LRBA: variants seen among roughly 807,000 people sequenced by gnomAD.
LRBA encodes the protein LPS responsive beige-like anchor protein.
Under a neutral mutation model 330.0 loss-of-function variants are expected in LRBA, and 176 were observed. The ratio of observed to expected loss-of-function variants is 0.53; its 90% CI spans 0.47 to 0.60. The LOEUF (loss-of-function observed/expected upper bound fraction) is 0.60, where lower values mean the gene tolerates loss of function less well. Ranked by LOEUF, LRBA falls within the 20% of genes least tolerant of loss-of-function variation. The pLI is 0.00. For missense variants in LRBA, 3,259 were observed against 3,444.8 expected (o/e 0.95, Z 1.35); for synonymous variants, 1,230 against 1,193.0 (o/e 1.03, Z -0.64).
At chr4:150,493,883 G>C (rs1210116757) in intron 40 of LRBA, among the ~76,000 whole-genome samples, 1 of 152,044 alleles carries the variant, frequency 6.6e-6, no homozygotes, top group African/African-American at 2.4e-5. Context: ...TGGGAGGACT[G>C]CTTGATGCCA....
chr4:150,451,828 T>C (rs1476577719), intron 44 of LRBA, among the ~76,000 whole-genome samples: 1 of 152,070 alleles, frequency 6.6e-6, no homozygotes, highest in East Asian at 1.9e-4. Context: ...ACAACTTAGA[T>C]GAAATAAACA....
chr4:150,525,787 A>G (rs777925736), intron 40 of LRBA, among the ~76,000 whole-genome samples: 7 of 152,200 alleles, frequency 4.6e-5, no homozygotes, highest in African/African-American at 7.2e-5. Context: ...ATGAAATTAT[A>G]TAACTATATT....
chr4:150,437,063 G>T (rs972514672), intron 44 of LRBA, among the ~76,000 whole-genome samples, 199 bp from the exon 45 acceptor site: 1 of 152,054 alleles, frequency 6.6e-6, no homozygotes, highest in Non-Finnish European at 1.5e-5. Flanking sequence ...ATAAGTAAGT[G>T]AATGGATGAA....
chr4:150,904,989 C>G (rs568431561), intron 13 of LRBA, among the ~76,000 whole-genome samples: 1 of 152,002 alleles, frequency 6.6e-6, no homozygotes, highest in East Asian at 1.9e-4. Context: ...TGAAATAACA[C>G]GACTTCTAAC....
chr4:150,398,087 A>G (rs1385878283), intron 47 of LRBA, among the ~76,000 whole-genome samples: 1 of 152,168 alleles, frequency 6.6e-6, no homozygotes, highest in Non-Finnish European at 1.5e-5. Flanking sequence ...GAAGAAAATA[A>G]GGGATCATGA....
At chr4:150,707,352 A>G (rs1785728740) in intron 36 of LRBA, among the ~76,000 whole-genome samples, 1 of 151,764 alleles carries the variant, frequency 6.6e-6, no homozygotes, top group Non-Finnish European at 1.5e-5. Flanking sequence ...AAAAGTTAAA[A>G]CTACAAAGAA....
At position 150,849,574 on chromosome 4, in the gene LRBA, G is replaced by A; in HGVS notation, c.4006C>T (p.His1336Tyr). 1 of 1,609,286 alleles carries A rather than the reference G, an allele frequency of 6.2e-7. No homozygotes were observed. Among genetic ancestry groups the A allele is most frequent in the Non-Finnish European group, 8.5e-7 (1 of 1,176,488 alleles). Residue 1336 changes from histidine (H) to tyrosine (Y), a missense_variant and splice_region_variant, in exon 25 of 57, where the codon CAT becomes TAT. His to Tyr is a moderately conservative substitution (Grantham distance 83, BLOSUM62 2). Coordinates refer to ENST00000651943, the MANE Select transcript of LRBA (RefSeq NM_001364905.1). ...AAGTCCATAACTGTCTTTGTTGAAT[G>A]GCTGTCCAAAGATAAATGATATTTA... Reference protein sequence around the residue: ...IETDIQMWRSHSTKTVMDFVN... With the variant: ...IETDIQMWRSYSTKTVMDFVN...
chr4:150,860,422 T>G (rs1052760893), intron 22 of LRBA, among the ~76,000 whole-genome samples: 2 of 152,188 alleles, frequency 1.3e-5, no homozygotes, highest in African/African-American at 4.8e-5. Context: ...ATACTAAAAC[T>G]TAAGTCAGTG....
chr4:150,868,555 T>G (rs1753026364), intron 20 of LRBA, among the ~76,000 whole-genome samples: 1 of 152,204 alleles, frequency 6.6e-6, no homozygotes, highest in African/African-American at 2.4e-5. Flanking sequence ...TTTAAAAGGT[T>G]AAAATAAAAC....
chr4:150,579,975 C>T (rs1034047907), intron 40 of LRBA: 1 of 324,138 alleles, frequency 3.1e-6, no homozygotes, highest in Non-Finnish European at 6.1e-6. Flanking sequence ...GGAGCCCCTC[C>T]CGGCCAGTCG....
chr4:150,424,650 G>C (rs1411566365), intron 46 of LRBA, among the ~76,000 whole-genome samples: 3 of 147,704 alleles, frequency 2.0e-5, no homozygotes, highest in African/African-American at 7.6e-5. Flanking sequence ...CACACACACA[G>C]AGTCAGATGG....
chr4:150,916,236 T>C (rs1322800669), intron 7 of LRBA, among the ~76,000 whole-genome samples, 165 bp downstream of exon 7: 1 of 152,194 alleles, frequency 6.6e-6, no homozygotes, highest in African/African-American at 2.4e-5. Context: ...CTTTTTCATA[T>C]CCAAATCAGA....
At chr4:150,826,161 G>A (rs1746245827) in intron 30 of LRBA, among the ~76,000 whole-genome samples, 1 of 152,072 alleles carries the variant, frequency 6.6e-6, no homozygotes, top group African/African-American at 2.4e-5. Context: ...AGAATCTAAG[G>A]CTAGATTTAA....
intron 34 of LRBA, among the ~76,000 whole-genome samples, chr4:150,781,577 A>G (rs1333003889): frequency 6.6e-6 from 1 of 152,154 alleles, no homozygotes; most frequent in African/African-American, 2.4e-5. Flanking sequence ...GGAGTTGGGG[A>G]CGTCTGTTTT....
At chr4:150,946,192 T>A (rs1216251555) in intron 2 of LRBA, among the ~76,000 whole-genome samples, 1 of 152,208 alleles carries the variant, frequency 6.6e-6, no homozygotes, top group African/African-American at 2.4e-5. Flanking sequence ...CTTACAAAAG[T>A]AACTGTGCCT....
intron 17 of LRBA, among the ~76,000 whole-genome samples, chr4:150,886,524 A>T (rs915014696): frequency 6.6e-6 from 1 of 152,210 alleles, no homozygotes; most frequent in Non-Finnish European, 1.5e-5. Context: ...TCCTGAATGA[A>T]GCATATGTAT....
intron 40 of LRBA, among the ~76,000 whole-genome samples, chr4:150,525,824 GT>G (rs1411469194): frequency 2.0e-5 from 3 of 151,980 alleles, no homozygotes; most frequent in Non-Finnish European, 4.4e-5. Flanking sequence ...AAGGAAAGCC[GT>G]TACAGACATA....
At chr4:150,774,336 C>T (rs1366158095) in intron 34 of LRBA, among the ~76,000 whole-genome samples, 1 of 152,096 alleles carries the variant, frequency 6.6e-6, no homozygotes, top group Non-Finnish European at 1.5e-5. Flanking sequence ...AAAGACTTGT[C>T]GTTGTAAGAC....
chr4:150,908,330 T>A lies in LRBA; in HGVS notation c.1493+4A>T. The A allele has an allele frequency of 6.2e-7, 1 of 1,605,284 alleles. No homozygotes were observed. The highest frequency in any genetic ancestry group is 8.5e-7 in the Non-Finnish European group (1 of 1,178,184). ...CAATTAAAGAAACAAATAAAGGCAC[T>A]CACCATATAGTCAAATCAATCTCAT... is the stretch of plus-strand genomic sequence containing the variant. On this transcript the variant is annotated splice_donor_region_variant and intron_variant, in intron 11 of 56. Transcript: ENST00000651943.
Sources: allele counts gnomAD v4.1 joint callset (sites outside exome capture counted in the v4.1 genomes callset), GRCh38; gene constraint gnomAD v4.1.1; transcripts MANE v1.5; gene names NCBI Gene and HGNC (gene_info 2026-07-23, HGNC 2026-07-21).